ZNF536: variants seen among roughly 807,000 people sequenced by gnomAD.
ZNF536 encodes zinc finger protein 536.
In ZNF536, 13 loss-of-function variants were observed where a neutral mutation model predicts 84.5. That is an observed-to-expected ratio of 0.15 (90% confidence interval 0.10 to 0.24). The LOEUF (loss-of-function observed/expected upper bound fraction) is 0.24. Ranked by LOEUF, ZNF536 falls within the 10% of genes least tolerant of loss-of-function variation. The probability of loss-of-function intolerance (pLI) is 1.00; values close to 1 mark genes in which losing one functional copy is unlikely to be tolerated. For missense variants in ZNF536, 1,536 were observed against 1,747.5 expected (o/e 0.88, Z 2.16); for synonymous variants, 811 against 742.5 (o/e 1.09, Z -1.50).
intron 3 of ZNF536, among the ~76,000 whole-genome samples, chr19:30,540,420 C>T (rs2045283494): frequency 6.6e-6 from 1 of 152,214 alleles, no homozygotes; most frequent in Non-Finnish European, 1.5e-5. Context: ...CAGAACTCAG[C>T]CCGCAGGGAT....
At chr19:30,313,987 T>C (rs544812852) in intron 2 of ZNF536, among the ~76,000 whole-genome samples, 1 of 152,334 alleles carries the variant, frequency 6.6e-6, no homozygotes, top group African/African-American at 2.4e-5. Context: ...CTGCCTCCCA[T>C]GGCAACTACT....
intron 1 of ZNF536, among the ~76,000 whole-genome samples, chr19:30,575,077 G>A (rs2046682416): frequency 6.6e-6 from 1 of 152,162 alleles, no homozygotes; most frequent in Admixed American, 6.5e-5. Flanking sequence ...GGGGATTACT[G>A]AGTTGTCAGG....
At chr19:30,336,875 G>A (rs2047399573) in intron 2 of ZNF536, among the ~76,000 whole-genome samples, 1 of 152,140 alleles carries the variant, frequency 6.6e-6, no homozygotes, top group African/African-American at 2.4e-5. Context: ...TATGCTGTGT[G>A]GGCTGCTTTC....
chr19:30,411,091 T>A (rs1334341136), intron 1 of ZNF536, among the ~76,000 whole-genome samples: 2 of 152,160 alleles, frequency 1.3e-5, no homozygotes, highest in East Asian at 3.9e-4. Context: ...CTTTCTCCAA[T>A]TAAAAAAATG....
chr19:30,574,228 C>T (rs2046650703), intron 1 of ZNF536, among the ~76,000 whole-genome samples: 2 of 152,144 alleles, frequency 1.3e-5, no homozygotes, highest in East Asian at 3.8e-4. Context: ...TTCTTTTGTA[C>T]CCTAAAACTA....
intron 1 of ZNF536, among the ~76,000 whole-genome samples, chr19:30,374,979 A>C (rs1184635680): frequency 2.0e-5 from 3 of 151,874 alleles, no homozygotes; most frequent in African/African-American, 7.2e-5. Context: ...GGAGGAGCGA[A>C]GCGCCTGGAG....
chr19:30,399,802 C>T (rs909797724), intron 1 of ZNF536, among the ~76,000 whole-genome samples: 2 of 151,282 alleles, frequency 1.3e-5, no homozygotes, highest in Non-Finnish European at 2.9e-5. Context: ...ATTCTCCTGC[C>T]TCAGCCTCCC....
chr19:30,654,602 C>T (rs546590758), intron 1 of ZNF536, among the ~76,000 whole-genome samples: 1 of 152,290 alleles, frequency 6.6e-6, no homozygotes, highest in African/African-American at 2.4e-5. Flanking sequence ...CCAAAAAGAC[C>T]TTTCTGCTTC....
At chr19:30,367,679 G>A (rs866235636), upstream of ZNF536, among the ~76,000 whole-genome samples, 2 of 152,354 alleles carry the variant, frequency 1.3e-5, no homozygotes, top group South Asian at 4.1e-4. Flanking sequence ...CCCCTGGGAA[G>A]TGCTGGTGAT....
chr19:30,232,173 T>C (rs1241657987), intron 1 of ZNF536, among the ~76,000 whole-genome samples: 2 of 152,138 alleles, frequency 1.3e-5, no homozygotes, highest in Admixed American at 6.5e-5. Flanking sequence ...CCCCGGCCAG[T>C]TGATGCCATC....
intron 2 of ZNF536, among the ~76,000 whole-genome samples, chr19:30,485,036 C>T (rs1393013352): frequency 2.0e-5 from 3 of 151,798 alleles, no homozygotes; most frequent in Admixed American, 6.6e-5. Context: ...CCCAGCTACT[C>T]GGGAGGCTGA....
Position 30,445,677 on chromosome 19 carries a change from C to A in ZNF536, c.2115C>A (p.Ser705=), listed in dbSNP as rs2052295468. The A allele has an allele frequency of 6.2e-7, 1 of 1,604,796 alleles. No individual in the cohort carries two copies. The highest frequency in any genetic ancestry group is 8.5e-7 in the Non-Finnish European group (1 of 1,175,070). The change falls in exon 2 of 5, where the codon TCC becomes TCA. Residue 705 remains serine (S), a synonymous_variant. Coordinates refer to ENST00000355537, the MANE Select transcript of ZNF536 (RefSeq NM_014717.3). The surrounding 1 kb of genome is among the most constrained non-coding windows in gnomAD (Gnocchi z 4.5). Reference sequence around the variant, plus strand: ...AGAGCGGGGTCGGAGGCGGCCTCTCCCAGACCGGGAGTGCCCAGGAGGACA... The same window carrying A: ...AGAGCGGGGTCGGAGGCGGCCTCTCACAGACCGGGAGTGCCCAGGAGGACA... ...TEESGVGGGL[S]QTGSAQEDSP... is the part of the protein sequence containing the mutation.
At chr19:30,254,431 T>C (rs2024795208) in intron 1 of ZNF536, among the ~76,000 whole-genome samples, 1 of 152,162 alleles carries the variant, frequency 6.6e-6, no homozygotes, top group Non-Finnish European at 1.5e-5. Context: ...CTAGGATTCA[T>C]ACGCACGGTG....
rs182294877 is a variant in ZNF536, at chr19:30,662,574, T to A, written c.170-48183T>A. On this transcript the variant is annotated intron_variant, in intron 1 of 1. Coordinates refer to the ZNF536 transcript ENST00000592773. Reference sequence around the variant, plus strand: ...GTTTTTTGTTTTTTGATTTTTTTTTTAATGTATCTGGTTGTTCTGAATACA... The same window carrying A: ...GTTTTTTGTTTTTTGATTTTTTTTTAAATGTATCTGGTTGTTCTGAATACA... 7.2e-5 allele frequency among the ~76,000 whole-genome samples: 11 copies of A among 152,240 alleles called. No individual in the cohort carries two copies. The East Asian group carries it at 1.9e-3, about 27-fold the overall frequency.
intron 1 of ZNF536, among the ~76,000 whole-genome samples, chr19:30,383,768 TTTCTTTTCTTTC>T (rs1361113700): frequency 0.13 from 13,999 of 104,252 alleles, 1,835 homozygotes; most frequent in Non-Finnish European, 0.21. Flanking sequence ...TCTTTCTTTC[TTTCTTTTCTTTC>T]TTTCTTTCTT....
At chr19:30,391,032 C>A (rs1364887338) in intron 1 of ZNF536, among the ~76,000 whole-genome samples, 3 of 152,198 alleles carry the variant, frequency 2.0e-5, no homozygotes, top group Non-Finnish European at 4.4e-5. Context: ...CTGCAGAAGC[C>A]CATGCTGGTG....
At chr19:30,351,355 G>A (rs933391799) in intron 2 of ZNF536, among the ~76,000 whole-genome samples, 5 of 152,148 alleles carry the variant, frequency 3.3e-5, no homozygotes, top group Non-Finnish European at 5.9e-5. Context: ...TGCACTTTTT[G>A]GACAATATCT....
At chr19:30,273,489 G>A (rs2025964974) in intron 1 of ZNF536, among the ~76,000 whole-genome samples, 1 of 152,186 alleles carries the variant, frequency 6.6e-6, no homozygotes, top group South Asian at 2.1e-4. Flanking sequence ...TGGTGACATA[G>A]GATGTTGAGT....
At chr19:30,393,685 G>A (rs909719640) in intron 1 of ZNF536, among the ~76,000 whole-genome samples, 3 of 152,300 alleles carry the variant, frequency 2.0e-5, no homozygotes, top group Non-Finnish European at 2.9e-5. Flanking sequence ...AGACCCTGTG[G>A]CAGATGGAAC....
Sources: allele counts gnomAD v4.1 joint callset (sites outside exome capture counted in the v4.1 genomes callset), GRCh38; gene constraint gnomAD v4.1.1; non-coding constraint Gnocchi (gnomAD v3.1); transcripts MANE v1.5; gene names NCBI Gene and HGNC (gene_info 2026-07-23, HGNC 2026-07-21).